The following TMEM161B variants were observed in gnomAD, a reference collection of about 807,000 sequenced individuals.
TMEM161B encodes transmembrane protein 161B.
Under a neutral mutation model 61.8 loss-of-function variants are expected in TMEM161B, and 34 were observed. That is an observed-to-expected ratio of 0.55 (90% confidence interval 0.42 to 0.73). TMEM161B has a LOEUF of 0.73. Among genes scored for constraint, TMEM161B ranks in the 30% least tolerant of loss-of-function variants. The probability of loss-of-function intolerance (pLI) is 0.00; values close to 1 mark genes in which losing one functional copy is unlikely to be tolerated. For missense variants in TMEM161B, 456 were observed against 558.5 expected (o/e 0.82, Z 1.85); for synonymous variants, 167 against 192.8 (o/e 0.87, Z 1.11).
chr5:88,242,977 AAATT>A (rs1752988414), intron 1 of TMEM161B, among the ~76,000 whole-genome samples: 1 of 151,824 alleles, frequency 6.6e-6, no homozygotes, highest in African/African-American at 2.4e-5. Context: ...TAGAGATTAT[AAATT>A]AATTAGTAAA....
chr5:88,225,725 A>G, intron 4 of TMEM161B, 44 bp downstream of exon 4: 1 of 1,318,318 alleles, frequency 7.6e-7, no homozygotes, highest in Non-Finnish European at 1.1e-6. Flanking sequence ...CTACTATAAT[A>G]TAAAACTGAG....
At chr5:88,258,577 T>C (rs1026155490) in intron 1 of TMEM161B, among the ~76,000 whole-genome samples, 46 of 152,116 alleles carry the variant, frequency 3.0e-4, no homozygotes, top group Non-Finnish European at 2.1e-4. Flanking sequence ...AATACTTAAA[T>C]ACATATCCCC....
At chr5:88,214,147 T>C (rs1417533423) in intron 5 of TMEM161B, among the ~76,000 whole-genome samples, 1 of 152,190 alleles carries the variant, frequency 6.6e-6, no homozygotes, top group Non-Finnish European at 1.5e-5. Context: ...AAAATTTATT[T>C]TAACTTAAAC....
intron 4 of TMEM161B, chr5:88,221,891 G>T (rs901966255): frequency 2.8e-6 from 1 of 352,830 alleles, no homozygotes; most frequent in South Asian, 2.2e-5. Flanking sequence ...TTGAAGATAC[G>T]ATATCCTTAT....
chr5:88,236,479 C>T (rs1751873894), intron 2 of TMEM161B, among the ~76,000 whole-genome samples: 1 of 152,122 alleles, frequency 6.6e-6, no homozygotes, highest in Non-Finnish European at 1.5e-5. Context: ...ACTTTTATTA[C>T]AATACAAAGT....
intron 1 of TMEM161B, among the ~76,000 whole-genome samples, chr5:88,258,684 T>C (rs1015853201): frequency 6.6e-6 from 1 of 152,100 alleles, no homozygotes; most frequent in Non-Finnish European, 1.5e-5. Flanking sequence ...GTTAATGAAG[T>C]TTTGGCTTCA....
At chr5:88,230,284 G>A (rs943516013) in intron 2 of TMEM161B, among the ~76,000 whole-genome samples, 21 of 152,062 alleles carry the variant, frequency 1.4e-4, no homozygotes, top group African/African-American at 4.1e-4. Context: ...AAAATTTTAG[G>A]TATGATAATG....
At chr5:88,236,844 G>C (rs544621004) in intron 2 of TMEM161B, among the ~76,000 whole-genome samples, 2 of 152,054 alleles carry the variant, frequency 1.3e-5, no homozygotes, top group South Asian at 2.1e-4. Context: ...TCTAAAAGAC[G>C]AAGTATGGCT....
Position 88,195,819 on chromosome 5 carries a change from T to C in TMEM161B, c.*392A>G, listed in dbSNP as rs1393119290. The C allele has an allele frequency of 1.0e-6, 1 of 997,840 alleles. No individual in the cohort carries two copies. The highest frequency in any genetic ancestry group is 1.7e-5 in the African/African-American group (1 of 57,284). 61.8% of individuals were successfully genotyped at this position (997,840 alleles called of 1,614,324 possible). ...ATGGCTCAGTTTGAAGATTGTTCTATAGGCAGCCACTATGACTATCAACAG... is the reference window on the plus strand; with the variant it reads ...ATGGCTCAGTTTGAAGATTGTTCTACAGGCAGCCACTATGACTATCAACAG... On this transcript the variant is annotated 3_prime_UTR_variant, in exon 12 of 12. Coordinates refer to ENST00000296595, the MANE Select transcript of TMEM161B (RefSeq NM_153354.5).
chr5:88,206,327 A>C (rs1323069032), intron 7 of TMEM161B, 112 bp downstream of exon 7: 2 of 819,294 alleles, frequency 2.4e-6, no homozygotes, highest in African/African-American at 3.5e-5. Flanking sequence ...TAGAAGTGAC[A>C]GTCCAACTTA....
rs1453926733 is a variant in TMEM161B at position 88,195,150 on chromosome 5, C to A, written c.*1061G>T. Reference sequence around the variant, plus strand: ...AATTTGGGAGAAACCATTAAGCGTCCATAAAACTTTAAATACACTCACACA... The same window carrying A: ...AATTTGGGAGAAACCATTAAGCGTCAATAAAACTTTAAATACACTCACACA... On this transcript the variant is annotated 3_prime_UTR_variant, in exon 12 of 12. Coordinates refer to ENST00000296595, the MANE Select transcript of TMEM161B (RefSeq NM_153354.5). 1 of 985,062 alleles carries A rather than the reference C, an allele frequency of 1.0e-6. No homozygotes were observed. The highest frequency in any genetic ancestry group is 1.2e-6 in the Non-Finnish European group (1 of 829,546). The allele number at this position is 985,062 out of a possible 1,614,324, so 61.0% of individuals were successfully genotyped here. A position where few individuals can be genotyped will look rare whatever the true frequency, so the allele number is the denominator to read the frequency against.
In TMEM161B at chr5:88,214,768, A is replaced by G. The variant is rs547914915; in HGVS notation, c.446+5795T>C. ...GAACACACAGACTTGGTCAGAGAAG[A>G]TGGTTAGAATTACAAATGAGAAAGA... On this transcript the variant is annotated intron_variant, in intron 5 of 11. Coordinates refer to ENST00000296595, the MANE Select transcript of TMEM161B (RefSeq NM_153354.5). Among the ~76,000 whole-genome samples the G allele has an allele frequency of 2.6e-5, 4 of 152,314 alleles. No individual in the cohort carries two copies. In the East Asian group the frequency reaches 7.7e-4, roughly 29 times the overall value.
At chr5:88,190,109 C>G (rs899176837), downstream of TMEM161B, 1 of 700,754 alleles carries the variant, frequency 1.4e-6, no homozygotes, top group African/African-American at 1.7e-5. Flanking sequence ...GATAAGCCTC[C>G]ACCCACCCAG....
At chr5:88,213,373 T>C (rs1747209873) in intron 5 of TMEM161B, among the ~76,000 whole-genome samples, 1 of 152,052 alleles carries the variant, frequency 6.6e-6, no homozygotes, top group African/African-American at 2.4e-5. Context: ...AGATATGCAG[T>C]TTCCATTACT....
At chr5:88,228,800 T>C (rs1378631538) in intron 2 of TMEM161B, among the ~76,000 whole-genome samples, 3 of 152,180 alleles carry the variant, frequency 2.0e-5, no homozygotes, top group Admixed American at 1.3e-4. Context: ...TTAATACATA[T>C]TAAGATTATA....
chr5:88,217,266 T>A lies in TMEM161B; in HGVS notation c.446+3297A>T, dbSNP rs78324827. Among the ~76,000 whole-genome samples the A allele has an allele frequency of 4.0e-3, 609 of 152,080 alleles. 9 individuals carry two copies. Among genetic ancestry groups the A allele is most frequent in the African/African-American group, 0.014 (589 of 41,484 alleles). ...AGCAAGACTCTGTCTCTAAAAAAAA[T>A]TTTTTTAAAGACAGATTAAGCAAAT... is the stretch of plus-strand genomic sequence containing the variant. On this transcript the variant is annotated intron_variant, in intron 5 of 11. Transcript: ENST00000296595.
intron 5 of TMEM161B, among the ~76,000 whole-genome samples, chr5:88,210,333 A>G (rs1384601352): frequency 1.3e-5 from 2 of 152,230 alleles, no homozygotes; most frequent in Non-Finnish European, 2.9e-5. Context: ...CAATACAAAC[A>G]GATAATGATA....
At chr5:88,190,896 CATT>C (rs1178358285), downstream of TMEM161B, among the ~76,000 whole-genome samples, 3 of 152,216 alleles carry the variant, frequency 2.0e-5, no homozygotes, top group East Asian at 1.9e-4. Context: ...TTACAGTGTA[CATT>C]ATTCTTTTAT....
rs1483734076 is a variant in TMEM161B at position 88,241,369 on chromosome 5, G to A, written c.4-453C>T. On this transcript the variant is annotated intron_variant, in intron 1 of 11. Coordinates refer to ENST00000296595, the MANE Select transcript of TMEM161B (RefSeq NM_153354.5). ...ACAACTGTTAAATTCTGGCAATTAG[G>A]TATTCAAGATCACATAGTCTAATAT... 2.6e-5 allele frequency among the ~76,000 whole-genome samples: 4 copies of A among 151,716 alleles called. No individual in the cohort carries two copies. The South Asian group carries it at 8.3e-4, about 31-fold the overall frequency.
Sources: allele counts gnomAD v4.1 joint callset (sites outside exome capture counted in the v4.1 genomes callset), GRCh38; gene constraint gnomAD v4.1.1; transcripts MANE v1.5; gene names NCBI Gene and HGNC (gene_info 2026-07-23, HGNC 2026-07-21).